AVEN: variants seen among roughly 807,000 people sequenced by gnomAD.
AVEN encodes cell death regulator Aven.
A neutral mutation model predicts 38.1 loss-of-function variants in AVEN; 41 were observed. That is an observed-to-expected ratio of 1.08 (90% CI 0.84 to 1.40). The LOEUF (loss-of-function observed/expected upper bound fraction) is 1.40. Among genes scored for constraint, AVEN ranks in the 40% most tolerant of loss-of-function variants. The pLI is 0.00. For missense variants in AVEN, 605 were observed against 438.8 expected (o/e 1.38, Z -3.38); for synonymous variants, 206 against 171.8 (o/e 1.20, Z -1.56).
chr15:33,986,727 G>A (rs1392743223), intron 2 of AVEN, among the ~76,000 whole-genome samples: 1 of 151,698 alleles, frequency 6.6e-6, no homozygotes, highest in Non-Finnish European at 1.5e-5. Context: ...CGCAATCTTG[G>A]CTCACTGCAA....
At chr15:33,861,480 C>CTT (rs34330524), downstream of AVEN, among the ~76,000 whole-genome samples, 497 of 148,102 alleles carry the variant, frequency 3.4e-3, no homozygotes, top group Non-Finnish European at 3.5e-3. Context: ...TATAAATATG[C>CTT]TTTTTTTTTT....
chr15:33,894,546 C>T (rs1448442195), intron 2 of AVEN, among the ~76,000 whole-genome samples: 1 of 145,200 alleles, frequency 6.9e-6, no homozygotes, highest in African/African-American at 2.6e-5. Context: ...ATCGGCCGGG[C>T]ACAGTGGCTC....
At chr15:33,939,835 AGG>A (rs1894246893) in intron 2 of AVEN, among the ~76,000 whole-genome samples, 1 of 152,230 alleles carries the variant, frequency 6.6e-6, no homozygotes, top group Non-Finnish European at 1.5e-5. Context: ...AGAAGTCATG[AGG>A]GAGAAGCCCT....
intron 2 of AVEN, among the ~76,000 whole-genome samples, chr15:33,926,943 C>T (rs1302444707): frequency 2.0e-5 from 3 of 152,110 alleles, no homozygotes; most frequent in Non-Finnish European, 4.4e-5. Context: ...GAGTGAGCCA[C>T]TACACCCAGC....
chr15:34,063,255 C>T lies in AVEN; in HGVS notation n.1304G>A. ...CTTGGTTGGGAAGCGGACAGTTCCA[C>T]TGGATGAGTGCCAGATCCAGTTTCT... is the stretch of plus-strand genomic sequence containing the variant. On this transcript the variant is annotated non_coding_transcript_exon_variant, in exon 5 of 12. Coordinates refer to the AVEN transcript ENST00000675287. This position sits in a 1 kb window ranked among gnomAD's most constrained non-coding sequence, Gnocchi z 4.1. 1.9e-6 allele frequency: 3 copies of T among 1,614,200 alleles called. No individual in the cohort carries two copies. Among genetic ancestry groups the T allele is most frequent in the Non-Finnish European group, 2.5e-6 (3 of 1,180,046 alleles).
At chr15:33,999,459 A>G (rs646950) in intron 2 of AVEN, among the ~76,000 whole-genome samples, 76,776 of 152,072 alleles carry the variant, frequency 0.5, 21,824 homozygotes, top group Non-Finnish European at 0.63. Context: ...TCTGACTGCA[A>G]CAGGTATCAA....
chr15:33,965,969 T>C (rs925649239), intron 2 of AVEN, among the ~76,000 whole-genome samples: 1 of 152,124 alleles, frequency 6.6e-6, no homozygotes, highest in Non-Finnish European at 1.5e-5. Context: ...AAGAGCAAAG[T>C]CTTGGAGAAA....
intron 2 of AVEN, among the ~76,000 whole-genome samples, chr15:33,935,715 T>C (rs903125954): frequency 1.3e-5 from 2 of 152,154 alleles, no homozygotes; most frequent in Non-Finnish European, 2.9e-5. Flanking sequence ...TAGCGGAAAG[T>C]AGAGATTGAG....
At chr15:33,854,616 C>A, downstream of AVEN, 1 of 1,118,002 alleles carries the variant, frequency 8.9e-7, no homozygotes, top group Non-Finnish European at 1.3e-6. Context: ...GTAGATGGGG[C>A]TCACTTAGCA....
chr15:34,030,660 G>A (rs770333487), intron 1 of AVEN, among the ~76,000 whole-genome samples: 24 of 151,848 alleles, frequency 1.6e-4, no homozygotes, highest in Non-Finnish European at 2.5e-4. Flanking sequence ...AAAGAGTCTC[G>A]GGCTGTCATC....
chr15:33,886,638 GA>G (rs536790185), intron 2 of AVEN, among the ~76,000 whole-genome samples: 342 of 152,310 alleles, frequency 2.2e-3, no homozygotes, highest in African/African-American at 7.7e-3. Context: ...GCCACCTTGT[GA>G]AGAAGAACAT....
At chr15:34,074,011 T>C (rs542065598) in intron 1 of AVEN, among the ~76,000 whole-genome samples, 2 of 96,894 alleles carry the variant, frequency 2.1e-5, no homozygotes. Context: ...TTTTTTTTTT[T>C]TTTTGAGACA....
intron 1 of AVEN, among the ~76,000 whole-genome samples, chr15:34,029,993 C>T (rs1367523242): frequency 6.6e-6 from 1 of 152,166 alleles, no homozygotes; most frequent in Non-Finnish European, 1.5e-5. Context: ...GTGACTCACA[C>T]TTGTAATCCC....
rs796178624 is a variant in AVEN, at chr15:33,983,170, G to A, written c.445+19862C>T. On this transcript the variant is annotated intron_variant, in intron 2 of 5. Coordinates refer to ENST00000306730, the MANE Select transcript of AVEN (RefSeq NM_020371.3). ...TGTGTGTGTGTGTGTATGTGTGTGTGTATATATACACACGTGTGTGTATGT... is the reference window on the plus strand; with the variant it reads ...TGTGTGTGTGTGTGTATGTGTGTGTATATATATACACACGTGTGTGTATGT... 1.5e-3 allele frequency among the ~76,000 whole-genome samples: 191 copies of A among 126,600 alleles called. 3 individuals are homozygous for A. Among genetic ancestry groups the A allele is most frequent in the African/African-American group, 5.3e-3 (176 of 33,262 alleles). The allele number at this position is 126,600 out of a possible 152,430, so 83.1% of individuals were successfully genotyped here.
At chr15:34,003,325 G>T in intron 1 of AVEN, 116 bp from the exon 2 acceptor site, 1 of 812,004 alleles carries the variant, frequency 1.2e-6, no homozygotes, top group Non-Finnish European at 1.9e-6. Flanking sequence ...AGACCAAGCT[G>T]TCTGAAGATA....
At chr15:34,044,499 A>G (rs1567486375) in intron 5 of AVEN, among the ~76,000 whole-genome samples, 1 of 152,232 alleles carries the variant, frequency 6.6e-6, no homozygotes, top group Non-Finnish European at 1.5e-5. Context: ...GCAACAGTCA[A>G]GGGCTTCTGT....
At chr15:33,962,919 C>CAAAAAAAAAA (rs57807791) in intron 2 of AVEN, among the ~76,000 whole-genome samples, 1 of 81,948 alleles carries the variant, frequency 1.2e-5, no homozygotes, top group Admixed American at 1.3e-4. Context: ...AACTCGTTCT[C>CAAAAAAAAAA]AAAAAAAAAA....
At chr15:33,892,651 C>T (rs1892036490) in intron 2 of AVEN, among the ~76,000 whole-genome samples, 1 of 152,062 alleles carries the variant, frequency 6.6e-6, no homozygotes, top group Non-Finnish European at 1.5e-5. Flanking sequence ...AGTCAGGTAG[C>T]GTGATGCCTC....
intron 4 of AVEN, among the ~76,000 whole-genome samples, chr15:33,868,965 G>A (rs947607790): frequency 6.6e-6 from 1 of 152,194 alleles, no homozygotes; most frequent in South Asian, 2.1e-4. Flanking sequence ...CACCGCTCTC[G>A]AGGGAAGGCT....
Sources: allele counts gnomAD v4.1 joint callset (sites outside exome capture counted in the v4.1 genomes callset), GRCh38; gene constraint gnomAD v4.1.1; non-coding constraint Gnocchi (gnomAD v3.1); transcripts MANE v1.5; gene names NCBI Gene and HGNC (gene_info 2026-07-23, HGNC 2026-07-21).